KCNQ5: variants seen among roughly 807,000 people sequenced by gnomAD.
The protein encoded by KCNQ5 is potassium voltage-gated channel subfamily KQT member 5.
A neutral mutation model predicts 98.2 loss-of-function variants in KCNQ5; 30 were observed. The ratio of observed to expected loss-of-function variants is 0.31; its 90% CI spans 0.23 to 0.41. The LOEUF is 0.41. KCNQ5 is among the 10% of genes least tolerant of loss of function. KCNQ5 has a pLI of 1.00. For synonymous variants in KCNQ5, 458 were observed against 449.4 expected (o/e 1.02, Z -0.24); for missense variants, 835 against 1,182.5 (o/e 0.71, Z 4.31).
intron 10 of KCNQ5, chr6:73,157,689 T>C: frequency 2.6e-6 from 2 of 776,136 alleles, no homozygotes; most frequent in East Asian, 4.9e-5. Context: ...CCCAGGCCTC[T>C]GGGCATGCAG....
chr6:73,004,244 T>C (rs868611389), intron 2 of KCNQ5, among the ~76,000 whole-genome samples: 1 of 152,230 alleles, frequency 6.6e-6, no homozygotes, highest in African/African-American at 2.4e-5. Context: ...ATATCATAAA[T>C]AGAAGGCAAT....
intron 1 of KCNQ5, among the ~76,000 whole-genome samples, chr6:72,688,477 A>G (rs1360475004): frequency 6.6e-6 from 1 of 152,188 alleles, no homozygotes; most frequent in Admixed American, 6.5e-5. Flanking sequence ...TAAAAGGAGA[A>G]TTTACAGGGT....
intron 1 of KCNQ5, among the ~76,000 whole-genome samples, chr6:72,914,745 A>G (rs542172492): frequency 2.2e-4 from 34 of 151,990 alleles, no homozygotes; most frequent in African/African-American, 7.7e-4. Flanking sequence ...TTATAAGGCT[A>G]AGTTGATGGG....
chr6:72,839,966 A>C (rs1776714921), intron 1 of KCNQ5, among the ~76,000 whole-genome samples: 1 of 152,194 alleles, frequency 6.6e-6, no homozygotes, highest in Non-Finnish European at 1.5e-5. Flanking sequence ...TCTCCTGTCT[A>C]ACTGAAACTT....
intron 5 of KCNQ5, among the ~76,000 whole-genome samples, chr6:73,102,007 G>A (rs57441735): frequency 8.5e-4 from 130 of 152,056 alleles, no homozygotes; most frequent in African/African-American, 2.9e-3. Context: ...TTATACTACA[G>A]AGATATAGTA....
chr6:72,918,711 A>C (rs1193395226), intron 1 of KCNQ5, among the ~76,000 whole-genome samples: 1 of 152,166 alleles, frequency 6.6e-6, no homozygotes, highest in Non-Finnish European at 1.5e-5. Flanking sequence ...CCTGGCCTAG[A>C]GAGCCACCAA....
intron 1 of KCNQ5, among the ~76,000 whole-genome samples, chr6:72,676,416 G>A (rs950612486): frequency 1.3e-5 from 2 of 152,128 alleles, no homozygotes; most frequent in Non-Finnish European, 2.9e-5. Context: ...GTCAGAATAT[G>A]CTCAGGGCTG....
chr6:72,732,955 A>T (rs1770631930), intron 1 of KCNQ5, among the ~76,000 whole-genome samples: 1 of 152,182 alleles, frequency 6.6e-6, no homozygotes, highest in African/African-American at 2.4e-5. Context: ...GTCCTGGACA[A>T]CTATGTGAAA....
chr6:72,640,293 TAAG>T (rs1439585258), intron 1 of KCNQ5, among the ~76,000 whole-genome samples: 2 of 146,420 alleles, frequency 1.4e-5, no homozygotes, highest in Admixed American at 6.8e-5. Flanking sequence ...AATGTGGAAA[TAAG>T]GAGACAAAGT....
At chr6:72,673,669 G>A (rs60620751) in intron 1 of KCNQ5, among the ~76,000 whole-genome samples, 5,935 of 152,140 alleles carry the variant, frequency 0.039, 131 homozygotes, top group Middle Eastern at 0.13. Context: ...AATATTTTAG[G>A]TTTAGTAAAG....
intron 1 of KCNQ5, among the ~76,000 whole-genome samples, chr6:72,717,868 A>T (rs896793660): frequency 2.0e-5 from 3 of 152,184 alleles, no homozygotes; most frequent in Admixed American, 1.3e-4. Flanking sequence ...AAATTTATTT[A>T]TTAAGGACCA....
intron 1 of KCNQ5, among the ~76,000 whole-genome samples, chr6:72,850,250 A>G (rs144195215): frequency 6.6e-6 from 1 of 152,156 alleles, no homozygotes; most frequent in Non-Finnish European, 1.5e-5. Context: ...AGTACAAATG[A>G]AATATGAGTC....
intron 1 of KCNQ5, among the ~76,000 whole-genome samples, chr6:72,923,059 G>A (rs1335058020): frequency 6.6e-6 from 1 of 151,918 alleles, no homozygotes; most frequent in Non-Finnish European, 1.5e-5. Flanking sequence ...CAATCCACCT[G>A]CCTCTGCCTC....
chr6:72,882,648 T>C (rs1298856159), intron 1 of KCNQ5, among the ~76,000 whole-genome samples: 2 of 152,214 alleles, frequency 1.3e-5, no homozygotes, highest in Admixed American at 6.5e-5. Flanking sequence ...CTTTAACTTT[T>C]GGGTATTCAT....
chr6:72,781,584 T>G (rs1178794650), intron 1 of KCNQ5, among the ~76,000 whole-genome samples: 1 of 152,186 alleles, frequency 6.6e-6, no homozygotes, highest in Non-Finnish European at 1.5e-5. Context: ...GATAGATTAA[T>G]CTCATTTGGA....
intron 1 of KCNQ5, among the ~76,000 whole-genome samples, chr6:72,721,341 G>C (rs1395692081): frequency 1.3e-5 from 2 of 151,690 alleles, no homozygotes; most frequent in Non-Finnish European, 2.9e-5. Flanking sequence ...TATTATTTTA[G>C]GTTTGTGATA....
At chr6:72,802,811 T>C (rs563356113) in intron 1 of KCNQ5, among the ~76,000 whole-genome samples, 5 of 152,220 alleles carry the variant, frequency 3.3e-5, no homozygotes, top group African/African-American at 1.2e-4. Context: ...GCCGAGACAA[T>C]TACACTGCAT....
chr6:72,919,182 C>A (rs571374285), intron 1 of KCNQ5, among the ~76,000 whole-genome samples: 6 of 152,306 alleles, frequency 3.9e-5, no homozygotes, highest in Non-Finnish European at 8.8e-5. Flanking sequence ...AGGTGTTTGC[C>A]TCTGGTCCAG....
intron 1 of KCNQ5, among the ~76,000 whole-genome samples, chr6:72,786,329 T>C (rs1773740117): frequency 6.6e-6 from 1 of 152,220 alleles, no homozygotes; most frequent in African/African-American, 2.4e-5. Flanking sequence ...TTGTAGATTC[T>C]GGATGTTAGC....
Sources: gnomAD v4.1 joint callset for allele counts (sites outside exome capture counted in the v4.1 genomes callset) on GRCh38, gnomAD v4.1.1 for gene constraint, MANE v1.5 for transcripts, NCBI Gene and HGNC (gene_info 2026-07-23, HGNC 2026-07-21) for gene names.